KDM4B: variants seen among roughly 807,000 people sequenced by gnomAD.
The protein encoded by KDM4B is lysine-specific demethylase 4B.
Under a neutral mutation model 125.2 loss-of-function variants are expected in KDM4B, and 32 were observed. The ratio of observed to expected loss-of-function variants is 0.26; its 90% confidence interval spans 0.19 to 0.34. The LOEUF (loss-of-function observed/expected upper bound fraction) is 0.34, where lower values mean the gene tolerates loss of function less well. Among genes scored for constraint, KDM4B ranks in the 10% least tolerant of loss-of-function variants. The pLI, the probability that KDM4B is intolerant of heterozygous loss-of-function variation, is 1.00. For missense variants in KDM4B, 1,190 were observed against 1,577.7 expected (o/e 0.75, Z 4.16); for synonymous variants, 721 against 677.9 (o/e 1.06, Z -0.99).
At chr19:5,012,059 G>A (rs1465545101) in intron 1 of KDM4B, among the ~76,000 whole-genome samples, 2 of 152,138 alleles carry the variant, frequency 1.3e-5, no homozygotes, top group African/African-American at 2.4e-5. Context: ...CGATGCCTTG[G>A]GCTGTCACTG....
At chr19:5,048,605 G>T (rs536021031) in intron 6 of KDM4B, among the ~76,000 whole-genome samples, 58 of 152,106 alleles carry the variant, frequency 3.8e-4, no homozygotes, top group Non-Finnish European at 5.4e-4. Context: ...CGGGGAGAGG[G>T]GGGGGCGGGG....
At chr19:5,038,818 C>T (rs1313667650) in intron 3 of KDM4B, among the ~76,000 whole-genome samples, 3 of 152,276 alleles carry the variant, frequency 2.0e-5, no homozygotes, top group African/African-American at 7.2e-5. Context: ...CTCCGCACAG[C>T]TCCTGTCCTG....
At position 4,986,385 on chromosome 19, in the gene KDM4B, G is replaced by A. The variant is rs77642348; in HGVS notation, c.-109+17155G>A. On this transcript the variant is annotated intron_variant, in intron 1 of 22. Transcript: ENST00000159111. ...GGAGTAAACGGGTGATGGCCACTGA[G>A]CGCTGGCCGTGGGGACTCTTGGTCC... 4.7e-4 allele frequency among the ~76,000 whole-genome samples: 71 copies of A among 152,320 alleles called. No individual in the cohort carries two copies. The East Asian group carries it at 0.011, about 24-fold the overall frequency.
At chr19:4,974,036 A>T (rs2034355104) in intron 1 of KDM4B, among the ~76,000 whole-genome samples, 1 of 152,076 alleles carries the variant, frequency 6.6e-6, no homozygotes, top group Non-Finnish European at 1.5e-5. Flanking sequence ...AGACTGAGAC[A>T]GGAGAATTGC....
At chr19:5,031,546 A>C (rs754051219) in intron 2 of KDM4B, among the ~76,000 whole-genome samples, 1 of 152,204 alleles carries the variant, frequency 6.6e-6, no homozygotes, top group Non-Finnish European at 1.5e-5. Flanking sequence ...TGTCAAACCC[A>C]GTGGGGGTCT....
In KDM4B at chr19:5,041,321, G is replaced by A. The variant is rs1373482390; in HGVS notation, c.432+70G>A. 9.9e-6 allele frequency: 12 copies of A among 1,207,810 alleles called. No individual in the cohort carries two copies. The South Asian group carries it at 1.2e-4, about 13-fold the overall frequency. 74.8% of individuals were successfully genotyped at this position (1,207,810 alleles called of 1,614,324 possible). ...GGGTGGTGGTGGGAGGGCCCTGAAC[G>A]GGACTCTGCCTTGGCAGATGAAGCT... On this transcript the variant is annotated intron_variant, in intron 5 of 22. Transcript: ENST00000159111.
rs1054844737 is a variant in KDM4B, at chr19:5,082,189, C to T, written c.781-178C>T. 2.0e-5 allele frequency among the ~76,000 whole-genome samples: 3 copies of T among 152,146 alleles called. No individual in the cohort carries two copies. The highest frequency in any genetic ancestry group is 4.8e-5 in the African/African-American group (2 of 41,438). On this transcript the variant is annotated intron_variant, in intron 8 of 22. Coordinates refer to ENST00000159111, the MANE Select transcript of KDM4B (RefSeq NM_015015.3). This position sits in a 1 kb window ranked among gnomAD's most constrained non-coding sequence, Gnocchi z 5.4. ...GCTGCTCACTATGTCCTTCATGAGC[C>T]GCGTGGGAAATGGGCTGGAGCCCTG...
rs542310856 is a variant in KDM4B, at chr19:4,986,533, G to T, written c.-109+17303G>T. ...GGCAGGTCGGCGGGCACAGAGGAGG[G>T]CTCGGGAGGCTGTGTCCTCCAGCGT... On this transcript the variant is annotated intron_variant, in intron 1 of 22. Transcript: ENST00000159111. 3.2e-4 allele frequency among the ~76,000 whole-genome samples: 49 copies of T among 152,308 alleles called. No individual in the cohort carries two copies. In the East Asian group the frequency reaches 8.9e-3, roughly 28 times the overall value.
chr19:5,018,938 C>T lies in KDM4B; in HGVS notation c.-26+2599C>T, dbSNP rs190034600. Among the ~76,000 whole-genome samples the T allele has an allele frequency of 1.4e-3, 208 of 152,336 alleles. 3 individuals carry two copies. The highest frequency in any genetic ancestry group is 0.013 in the East Asian group (66 of 5,180). The stretch of plus-strand genomic sequence containing the variant: ...AGTCGCGTTCTGCTGTGTGTGGTGC[C>T]GGGCGACCTGCTCCCCTGCTGATGG... On this transcript the variant is annotated intron_variant, in intron 2 of 22. Transcript: ENST00000159111.
intron 1 of KDM4B, among the ~76,000 whole-genome samples, chr19:4,986,453 C>G (rs982008218): frequency 1.1e-4 from 17 of 152,200 alleles, no homozygotes; most frequent in African/African-American, 4.1e-4. Context: ...TCACAGTCAG[C>G]TGACTCTGCT....
intron 1 of KDM4B, among the ~76,000 whole-genome samples, chr19:4,986,995 C>T (rs2034857188): frequency 6.6e-6 from 1 of 151,000 alleles, no homozygotes; most frequent in Non-Finnish European, 1.5e-5. Flanking sequence ...CTTGCTCTGT[C>T]GCCTAGGCTG....
rs1267080611 is a variant in KDM4B at position 5,115,308 on chromosome 19, A to T, written c.1116-4345A>T. 6.6e-6 allele frequency among the ~76,000 whole-genome samples: 1 copy of T among 151,976 alleles called. No individual in the cohort carries two copies. The highest frequency in any genetic ancestry group is 1.5e-5 in the Non-Finnish European group (1 of 67,962). On this transcript the variant is annotated intron_variant, in intron 10 of 22. Coordinates refer to ENST00000159111, the MANE Select transcript of KDM4B (RefSeq NM_015015.3). This position sits in a 1 kb window ranked among gnomAD's most constrained non-coding sequence, Gnocchi z 4.2. Reference sequence around the variant, plus strand: ...GATGTGGGGGCAACCAGCAGAAGACAGTGGGTGGCTCTGGGCAGAAGGGAG... The same window carrying T: ...GATGTGGGGGCAACCAGCAGAAGACTGTGGGTGGCTCTGGGCAGAAGGGAG...
At chr19:5,100,766 A>G (rs117914743) in intron 9 of KDM4B, among the ~76,000 whole-genome samples, 1,785 of 152,144 alleles carry the variant, frequency 0.012, 14 homozygotes, top group Non-Finnish European at 0.017. Context: ...CAGCTTCCTC[A>G]CTTAACCTGT....
rs764386281 is a variant in KDM4B at position 5,040,052 on chromosome 19, G to C, written c.317+41G>C. 1.1e-5 allele frequency: 17 copies of C among 1,568,202 alleles called. No homozygotes were observed. In the African/African-American group the frequency reaches 2.3e-4, roughly 21 times the overall value. ...AGGGCGGACCTGACCCCCGCCCCCG[G>C]GGGCACACCTGCTCATGGGGGCCCT... On this transcript the variant is annotated intron_variant, in intron 4 of 22. Transcript: ENST00000159111.
intron 6 of KDM4B, among the ~76,000 whole-genome samples, chr19:5,058,026 C>T (rs1301708432): frequency 6.6e-6 from 1 of 152,204 alleles, no homozygotes; most frequent in East Asian, 1.9e-4. Flanking sequence ...GAGGGCAGGG[C>T]CCACCACTTC....
intron 11 of KDM4B, among the ~76,000 whole-genome samples, chr19:5,122,883 G>A (rs1168384325): frequency 9.9e-5 from 15 of 152,232 alleles, no homozygotes; most frequent in Non-Finnish European, 2.1e-4. Context: ...CCGGTGCAGC[G>A]GGCAGCCCAG....
chr19:5,119,261 C>A, intron 10 of KDM4B: 1 of 1,308,350 alleles, frequency 7.6e-7, no homozygotes, highest in Non-Finnish European at 1.1e-6. Context: ...AGGCATTTTC[C>A]ATGAGCTGCT....
At chr19:5,130,477 GT>G (rs1325983498) in intron 11 of KDM4B, among the ~76,000 whole-genome samples, 2 of 152,216 alleles carry the variant, frequency 1.3e-5, no homozygotes, top group Non-Finnish European at 2.9e-5. Context: ...ACGCGGAAGG[GT>G]GTCGGGCCCC....
At chr19:5,018,710 A>G (rs896775535) in intron 2 of KDM4B, among the ~76,000 whole-genome samples, 1 of 152,172 alleles carries the variant, frequency 6.6e-6, no homozygotes, top group Non-Finnish European at 1.5e-5. Context: ...CCCCCTCAGC[A>G]GTTGCTCTTC....
Sources: gnomAD v4.1 joint callset for allele counts (sites outside exome capture counted in the v4.1 genomes callset) on GRCh38, gnomAD v4.1.1 for gene constraint, Gnocchi (gnomAD v3.1) non-coding constraint, MANE v1.5 for transcripts, NCBI Gene and HGNC (gene_info 2026-07-23, HGNC 2026-07-21) for gene names.